MYO3B: variants seen among roughly 807,000 people sequenced by gnomAD.
MYO3B encodes myosin IIIB, also known as myosin-IIIb.
In MYO3B, 156 loss-of-function variants were observed where a neutral mutation model predicts 174.6. The observed-to-expected ratio is 0.89, with a 90% CI of 0.78 to 1.02. The LOEUF (loss-of-function observed/expected upper bound fraction) is 1.02. Ranked by LOEUF, MYO3B falls within the 50% of genes least tolerant of loss-of-function variation. MYO3B has a pLI of 0.00. For synonymous variants in MYO3B, 563 were observed against 569.1 expected, an observed-to-expected ratio of 0.99 and a Z score of 0.15; for missense variants, 1,632 against 1,639.4, an observed-to-expected ratio of 1.00 and a Z score of 0.08.
At chr2:170,304,610 G>C (rs1420157756) in intron 7 of MYO3B, among the ~76,000 whole-genome samples, 1 of 151,398 alleles carries the variant, frequency 6.6e-6, no homozygotes, top group Admixed American at 6.6e-5. Flanking sequence ...GATTATATAG[G>C]CATACACCAC....
In MYO3B at chr2:170,547,163, CAAA is replaced by C. The variant is rs55824079; in HGVS notation, c.3733+3191_3733+3193del. 0.043 allele frequency among the ~76,000 whole-genome samples: 5,455 copies of C among 127,982 alleles called. 774 individuals carry two copies. The East Asian group carries it at 0.54, about 13-fold the overall frequency. The allele number at this position is 127,982 out of a possible 152,430, so 84.0% of individuals were successfully genotyped here. ...TGAAACCCCGTCTCTACTAAAAATA[CAAA>C]AAAAAAAAAAAAAAATAGCCGGGCA... On this transcript the variant is annotated intron_variant, in intron 32 of 34. Coordinates refer to ENST00000408978, the MANE Select transcript of MYO3B (RefSeq NM_138995.5).
intron 32 of MYO3B, among the ~76,000 whole-genome samples, chr2:170,625,845 C>T (rs981230695): frequency 5.3e-5 from 8 of 152,148 alleles, no homozygotes; most frequent in South Asian, 2.1e-4. Context: ...TTGTTCAGTT[C>T]CCACGTAGTT....
intron 22 of MYO3B, among the ~76,000 whole-genome samples, chr2:170,424,171 A>G (rs1470791420): frequency 6.6e-6 from 1 of 152,242 alleles, no homozygotes; most frequent in East Asian, 1.9e-4. Flanking sequence ...CTTGAGGGTC[A>G]AGAATCATGT....
intron 13 of MYO3B, 58 bp downstream of exon 13, chr2:170,386,330 A>G (rs2094374755): frequency 7.1e-7 from 1 of 1,404,014 alleles, no homozygotes; most frequent in Non-Finnish European, 1.0e-6. Context: ...GTAACTGCAT[A>G]TTTGATAAAT....
intron 22 of MYO3B, among the ~76,000 whole-genome samples, chr2:170,417,962 G>A (rs1456124906): frequency 6.6e-6 from 1 of 152,198 alleles, no homozygotes; most frequent in Non-Finnish European, 1.5e-5. Flanking sequence ...GGAGGGAATG[G>A]GGGATTGGGA....
intron 28 of MYO3B, among the ~76,000 whole-genome samples, chr2:170,505,521 T>C (rs1384656287): frequency 1.3e-5 from 2 of 152,218 alleles, no homozygotes; most frequent in East Asian, 3.8e-4. Context: ...TATTTTTAAA[T>C]TACCTTATGT....
chr2:170,627,008 A>G (rs988189263), intron 32 of MYO3B, among the ~76,000 whole-genome samples: 3 of 151,864 alleles, frequency 2.0e-5, no homozygotes, highest in South Asian at 4.2e-4. Context: ...ACTTTGGTGT[A>G]TCTGACAATT....
chr2:170,227,521 G>A (rs1427610240), intron 6 of MYO3B, among the ~76,000 whole-genome samples: 1 of 152,196 alleles, frequency 6.6e-6, no homozygotes, highest in Non-Finnish European at 1.5e-5. Flanking sequence ...CTGGGCTCAA[G>A]TGATCCACCT....
chr2:170,511,871 C>T (rs1368748086), intron 28 of MYO3B, among the ~76,000 whole-genome samples: 1 of 152,156 alleles, frequency 6.6e-6, no homozygotes, highest in Non-Finnish European at 1.5e-5. Context: ...GTCTATGAAG[C>T]TACCAGAAGC....
At chr2:170,185,682 T>G (rs981787886) in intron 1 of MYO3B, among the ~76,000 whole-genome samples, 2 of 152,176 alleles carry the variant, frequency 1.3e-5, no homozygotes, top group African/African-American at 4.8e-5. Context: ...ATGTGAGGAA[T>G]GACATTGGTA....
intron 3 of MYO3B, among the ~76,000 whole-genome samples, chr2:170,203,883 T>C (rs1009089424): frequency 5.9e-5 from 9 of 152,026 alleles, no homozygotes; most frequent in Non-Finnish European, 1.2e-4. Flanking sequence ...AACTTTGAAA[T>C]GGAACAGCAT....
At chr2:170,266,155 A>G (rs554832207) in intron 7 of MYO3B, among the ~76,000 whole-genome samples, 1 of 150,846 alleles carries the variant, frequency 6.6e-6, no homozygotes, top group African/African-American at 2.4e-5. Flanking sequence ...AGATTGACAT[A>G]ATGATTATAA....
intron 9 of MYO3B, among the ~76,000 whole-genome samples, chr2:170,375,341 G>C (rs141349154): frequency 6.6e-6 from 1 of 152,126 alleles, no homozygotes; most frequent in Non-Finnish European, 1.5e-5. Context: ...GAAAGGACTC[G>C]ATTGTCTCTG....
chr2:170,541,777 C>G (rs998910482), intron 30 of MYO3B, among the ~76,000 whole-genome samples: 1 of 152,098 alleles, frequency 6.6e-6, no homozygotes, highest in Admixed American at 6.5e-5. Flanking sequence ...CAGATCCAGT[C>G]CCTGACTTAA....
intron 32 of MYO3B, among the ~76,000 whole-genome samples, chr2:170,628,970 A>G (rs1164563440): frequency 6.6e-6 from 1 of 152,204 alleles, no homozygotes; most frequent in Non-Finnish European, 1.5e-5. Context: ...TATGAAAACC[A>G]AAAGTCTCCA....
chr2:170,279,934 CAT>C (rs1375728756), intron 7 of MYO3B, among the ~76,000 whole-genome samples: 1 of 152,076 alleles, frequency 6.6e-6, no homozygotes, highest in Non-Finnish European at 1.5e-5. Flanking sequence ...CATTTGTGTG[CAT>C]ATGTCTTTAT....
At chr2:170,241,490 G>A (rs565137830) in intron 7 of MYO3B, among the ~76,000 whole-genome samples, 13 of 152,292 alleles carry the variant, frequency 8.5e-5, no homozygotes, top group Middle Eastern at 3.4e-3. Context: ...AACTTTGTTC[G>A]TCCAGACTCA....
At chr2:170,552,787 C>T (rs1305192576) in intron 32 of MYO3B, among the ~76,000 whole-genome samples, 1 of 152,118 alleles carries the variant, frequency 6.6e-6, no homozygotes, top group Non-Finnish European at 1.5e-5. Flanking sequence ...TCATGGCAGC[C>T]CCTCCCATCA....
rs201092376 is a variant in MYO3B at position 170,466,502 on chromosome 2, G to A, written c.2809-4G>A. On this transcript the variant is annotated splice_polypyrimidine_tract_variant and splice_region_variant and intron_variant, in intron 24 of 34. Coordinates refer to ENST00000408978, the MANE Select transcript of MYO3B (RefSeq NM_138995.5). ...TGTTCCTTGTGCATTTTTCTCCCTG[G>A]TAGTATTCTCTGATGGACCTGCTCT... 3.1e-5 allele frequency: 50 copies of A among 1,613,746 alleles called. No homozygotes were observed. The highest frequency in any genetic ancestry group is 4.0e-5 in the Non-Finnish European group (47 of 1,179,924).
Sources: gnomAD v4.1 joint callset for allele counts (sites outside exome capture counted in the v4.1 genomes callset) on GRCh38, gnomAD v4.1.1 for gene constraint, MANE v1.5 for transcripts, NCBI Gene and HGNC (gene_info 2026-07-23, HGNC 2026-07-21) for gene names.